FNDC3A: variants seen among roughly 807,000 people sequenced by gnomAD.
The protein encoded by FNDC3A is fibronectin type-III domain-containing protein 3A.
In FNDC3A, 32 loss-of-function variants were observed where a neutral mutation model predicts 148.9. The observed-to-expected ratio is 0.21, with a 90% CI of 0.16 to 0.29. FNDC3A has a LOEUF of 0.29. Among genes scored for constraint, FNDC3A ranks in the 10% least tolerant of loss-of-function variants. FNDC3A has a pLI of 1.00. For synonymous variants in FNDC3A, 472 were observed against 473.6 expected, an observed-to-expected ratio of 1.00 and a Z score of 0.04; for missense variants, 1,191 against 1,452.8, an observed-to-expected ratio of 0.82 and a Z score of 2.93.
chr13:49,194,107 A>G (rs1886032244), intron 19 of FNDC3A, among the ~76,000 whole-genome samples: 2 of 151,934 alleles, frequency 1.3e-5, no homozygotes, highest in Admixed American at 6.6e-5. Context: ...CTAAAAATAC[A>G]AAAATTAGCT....
chr13:48,984,995 A>G (rs1042029253), intron 1 of FNDC3A, among the ~76,000 whole-genome samples: 3 of 152,152 alleles, frequency 2.0e-5, no homozygotes, highest in Non-Finnish European at 4.4e-5. Flanking sequence ...AGTGGACTAA[A>G]TGTTGATAAA....
chr13:49,079,103 CCTTA>C (rs1448313089), intron 3 of FNDC3A, among the ~76,000 whole-genome samples: 1 of 151,698 alleles, frequency 6.6e-6, no homozygotes, highest in Non-Finnish European at 1.5e-5. Flanking sequence ...TAAATAATTA[CCTTA>C]CTTTATTGGA....
chr13:49,190,161 C>T (rs549640275), intron 17 of FNDC3A, among the ~76,000 whole-genome samples: 10 of 152,300 alleles, frequency 6.6e-5, no homozygotes, highest in African/African-American at 2.2e-4. Context: ...GCTGGGATTA[C>T]AGGTGTGAGC....
At chr13:49,054,418 A>G (rs1436920482) in intron 2 of FNDC3A, among the ~76,000 whole-genome samples, 1 of 152,216 alleles carries the variant, frequency 6.6e-6, no homozygotes, top group Non-Finnish European at 1.5e-5. Flanking sequence ...CAGACCCACT[A>G]CTGCCCCACA....
chr13:49,190,971 G>C, intron 17 of FNDC3A, 44 bp from the exon 18 acceptor site: 1 of 1,320,246 alleles, frequency 7.6e-7, no homozygotes, highest in African/African-American at 1.5e-5. Context: ...CTGATTATTT[G>C]GTTTTGGGGC....
intron 17 of FNDC3A, among the ~76,000 whole-genome samples, chr13:49,188,887 A>T (rs1213593328): frequency 6.6e-6 from 1 of 152,192 alleles, no homozygotes; most frequent in Non-Finnish European, 1.5e-5. Context: ...CATTGGAGAA[A>T]ATTTTATAAA....
rs536762574 is a variant in FNDC3A at position 48,991,059 on chromosome 13, C to T, written c.-40+14882C>T. Among the ~76,000 whole-genome samples the T allele has an allele frequency of 3.9e-5, 6 of 152,236 alleles. 1 individual carries two copies. The South Asian group carries it at 1.2e-3, about 32-fold the overall frequency. ...AAAAGGGGACAAAGAACATTTGAAA[C>T]AAATAGCAAGATGGTGATGTAAATC... On this transcript the variant is annotated intron_variant, in intron 1 of 25. Coordinates refer to ENST00000492622, the MANE Select transcript of FNDC3A (RefSeq NM_001079673.2).
chr13:49,130,229 GT>G (rs571431116), intron 4 of FNDC3A, among the ~76,000 whole-genome samples: 103 of 142,526 alleles, frequency 7.2e-4, no homozygotes, highest in African/African-American at 1.3e-3. Context: ...TTGTTTTTTG[GT>G]TTTTTTTTTT....
intron 20 of FNDC3A, 45 bp downstream of exon 20, chr13:49,197,035 A>G (rs1216719209): frequency 2.7e-6 from 3 of 1,115,586 alleles, no homozygotes; most frequent in Middle Eastern, 2.0e-4. Context: ...TTAAGTGAAT[A>G]GAATAGTTTA....
At chr13:49,047,580 C>T (rs1875515238) in intron 2 of FNDC3A, among the ~76,000 whole-genome samples, 1 of 152,042 alleles carries the variant, frequency 6.6e-6, no homozygotes, top group South Asian at 2.1e-4. Context: ...GGCTTTTTGG[C>T]TATTTGTATA....
At chr13:49,015,893 G>A (rs376947753) in intron 2 of FNDC3A, among the ~76,000 whole-genome samples, 8 of 151,560 alleles carry the variant, frequency 5.3e-5, no homozygotes, top group East Asian at 1.9e-4. Context: ...CTGTTTATAT[G>A]CTGGATTACA....
chr13:49,020,906 A>G (rs546063468), intron 2 of FNDC3A, among the ~76,000 whole-genome samples: 2 of 152,308 alleles, frequency 1.3e-5, no homozygotes, highest in South Asian at 2.1e-4. Context: ...ATCATTTATC[A>G]TGGTCTTAAT....
chr13:49,006,738 C>G (rs1361152497), intron 2 of FNDC3A, among the ~76,000 whole-genome samples: 1 of 151,794 alleles, frequency 6.6e-6, no homozygotes, highest in Non-Finnish European at 1.5e-5. Context: ...TTTCCCCAGC[C>G]CAGGTCTTTA....
intron 2 of FNDC3A, among the ~76,000 whole-genome samples, chr13:49,064,335 C>T (rs71434460): frequency 1.2e-3 from 179 of 150,236 alleles, no homozygotes; most frequent in Non-Finnish European, 2.1e-3. Flanking sequence ...AGCAAGACTC[C>T]GTCTCAAAAA....
At chr13:49,046,957 A>G (rs1875461837) in intron 2 of FNDC3A, among the ~76,000 whole-genome samples, 1 of 152,072 alleles carries the variant, frequency 6.6e-6, no homozygotes, top group African/African-American at 2.4e-5. Context: ...CCATCATCCG[A>G]GCAGTGTACA....
At chr13:49,127,053 T>G (rs2137913260) in intron 4 of FNDC3A, among the ~76,000 whole-genome samples, 1 of 152,246 alleles carries the variant, frequency 6.6e-6, no homozygotes, top group Middle Eastern at 3.4e-3. Context: ...GTGCTCTGCT[T>G]CTCATCCAGC....
At chr13:48,986,238 G>A (rs1200976454) in intron 1 of FNDC3A, among the ~76,000 whole-genome samples, 8 of 151,722 alleles carry the variant, frequency 5.3e-5, no homozygotes, top group Non-Finnish European at 1.0e-4. Flanking sequence ...TTATAATTTC[G>A]AATGTAGTTT....
intron 8 of FNDC3A, among the ~76,000 whole-genome samples, chr13:49,161,173 C>G (rs996214934): frequency 1.3e-5 from 2 of 152,092 alleles, no homozygotes; most frequent in Admixed American, 6.6e-5. Flanking sequence ...CCTGGGTATC[C>G]TTGTTAACTT....
At chr13:48,992,494 T>G (rs1418251993) in intron 1 of FNDC3A, among the ~76,000 whole-genome samples, 1 of 152,096 alleles carries the variant, frequency 6.6e-6, no homozygotes, top group Non-Finnish European at 1.5e-5. Context: ...CAACAAATAG[T>G]CAACCAAAAA....
Sources: gnomAD v4.1 joint callset for allele counts (sites outside exome capture counted in the v4.1 genomes callset) on GRCh38, gnomAD v4.1.1 for gene constraint, MANE v1.5 for transcripts, NCBI Gene and HGNC (gene_info 2026-07-23, HGNC 2026-07-21) for gene names.